The following TMEM132D variants were observed in gnomAD, a reference collection of about 807,000 sequenced individuals.
TMEM132D encodes the protein mature OL transmembrane protein.
A neutral mutation model predicts 62.3 loss-of-function variants in TMEM132D; 21 were observed. The ratio of observed to expected loss-of-function variants is 0.34; its 90% CI spans 0.24 to 0.49. TMEM132D has a LOEUF of 0.49. Ranked by LOEUF, TMEM132D falls within the 20% of genes least tolerant of loss-of-function variation. TMEM132D has a pLI of 0.99. For synonymous variants in TMEM132D, 621 were observed against 575.6 expected, an observed-to-expected ratio of 1.08 and a Z score of -1.13; for missense variants, 1,346 against 1,402.8, an observed-to-expected ratio of 0.96 and a Z score of 0.65.
chr12:129,260,908 T>C (rs557042687), intron 4 of TMEM132D, among the ~76,000 whole-genome samples: 1 of 152,224 alleles, frequency 6.6e-6, no homozygotes, highest in East Asian at 1.9e-4. Flanking sequence ...CTTTATCCAC[T>C]TGGTTGCTGG....
chr12:129,480,722 T>G (rs1874404891), intron 3 of TMEM132D, among the ~76,000 whole-genome samples: 1 of 152,164 alleles, frequency 6.6e-6, no homozygotes, highest in Non-Finnish European at 1.5e-5. Flanking sequence ...AGTTGGGCAA[T>G]GCTAAGTGTT....
rs190463782 is a variant in TMEM132D at position 129,703,756 on chromosome 12, C to T, written c.80-3058G>A. Among the ~76,000 whole-genome samples, 526 of 152,184 alleles carry T rather than the reference C, an allele frequency of 3.5e-3. 3 individuals are homozygous for T. Among genetic ancestry groups the T allele is most frequent in the Non-Finnish European group, 5.6e-3 (381 of 68,022 alleles). ...GACATGTTCGCATCTTGAAGCAACT[C>T]AGTGGTCTGGGAGAGATTTTGTATT... On this transcript the variant is annotated intron_variant, in intron 1 of 8. Coordinates refer to ENST00000422113, the MANE Select transcript of TMEM132D (RefSeq NM_133448.3).
At chr12:129,578,692 G>A (rs1877754893) in intron 2 of TMEM132D, among the ~76,000 whole-genome samples, 1 of 152,116 alleles carries the variant, frequency 6.6e-6, no homozygotes, top group Non-Finnish European at 1.5e-5. Flanking sequence ...GAGAACTGGG[G>A]AGCTAATGGT....
intron 2 of TMEM132D, among the ~76,000 whole-genome samples, chr12:129,542,434 A>C (rs2137098682): frequency 6.6e-6 from 1 of 151,748 alleles, no homozygotes; most frequent in Non-Finnish European, 1.5e-5. Flanking sequence ...GTAAATTCTC[A>C]GGGATGTCTT....
At chr12:129,818,170 G>C (rs565583781) in intron 1 of TMEM132D, among the ~76,000 whole-genome samples, 1 of 145,632 alleles carries the variant, frequency 6.9e-6, no homozygotes, top group South Asian at 2.3e-4. Context: ...GTATGTGTGT[G>C]TGTATGTGTG....
chr12:129,457,443 G>T (rs1170866352), intron 3 of TMEM132D, among the ~76,000 whole-genome samples: 1 of 132,618 alleles, frequency 7.5e-6, no homozygotes, highest in Non-Finnish European at 1.7e-5. Context: ...CCTGTTGTGG[G>T]GTAGGGGGGA....
chr12:129,748,943 C>T (rs1446563128), intron 1 of TMEM132D, among the ~76,000 whole-genome samples: 3 of 152,178 alleles, frequency 2.0e-5, no homozygotes, highest in Non-Finnish European at 2.9e-5. Flanking sequence ...CTGGACCATT[C>T]GTTCATTTGT....
intron 1 of TMEM132D, among the ~76,000 whole-genome samples, chr12:129,832,814 C>A (rs1248321276): frequency 6.6e-6 from 1 of 152,204 alleles, no homozygotes; most frequent in African/African-American, 2.4e-5. Context: ...CTGGGGGAGT[C>A]CTTCAAAGGC....
At chr12:129,799,186 ACCT>A (rs1002826698) in intron 1 of TMEM132D, among the ~76,000 whole-genome samples, 1 of 152,024 alleles carries the variant, frequency 6.6e-6, no homozygotes, top group African/African-American at 2.4e-5. Flanking sequence ...AATCACTTGA[ACCT>A]GGAGGGTGGA....
In TMEM132D at chr12:129,123,732, G is replaced by A. The variant is rs74493499; in HGVS notation, c.1444-39030C>T. Among the ~76,000 whole-genome samples the A allele has an allele frequency of 7.4e-3, 1,123 of 152,298 alleles. 11 individuals carry two copies. Among genetic ancestry groups the A allele is most frequent in the African/African-American group, 0.025 (1,024 of 41,558 alleles). On this transcript the variant is annotated intron_variant, in intron 5 of 8. Transcript: ENST00000422113. ...AAACCAGATTCATCCTCCCCAGTGC[G>A]GATGGGCCTCATCCAGTCTGTTGGG...
rs781485094 is a variant in TMEM132D at position 129,328,822 on chromosome 12, TC to T, written c.1299+8811del. ...TTATGAGCTTAGACTCTGGAGCTCA[TC>T]CATCTGGAATCTAATTTCAGCTCAG... On this transcript the variant is annotated intron_variant, in intron 4 of 8. Coordinates refer to ENST00000422113, the MANE Select transcript of TMEM132D (RefSeq NM_133448.3). 6.6e-4 allele frequency among the ~76,000 whole-genome samples: 100 copies of T among 152,180 alleles called. 1 individual carries two copies. The highest frequency in any genetic ancestry group is 3.4e-3 in the Middle Eastern group (1 of 294).
chr12:129,780,764 G>T, intron 1 of TMEM132D, among the ~76,000 whole-genome samples: 1 of 152,096 alleles, frequency 6.6e-6, no homozygotes, highest in East Asian at 1.9e-4. Flanking sequence ...CCATTCATCC[G>T]GTACCTTTTT....
rs565446585 is a variant in TMEM132D at position 129,836,522 on chromosome 12, G to A, written c.79+66739C>T. Reference sequence around the variant, plus strand: ...TGTGTGTGTGTGTGTGTGTGCGCGCGTGTGTGTGTGTACCCCGAATACTGA... The same window carrying A: ...TGTGTGTGTGTGTGTGTGTGCGCGCATGTGTGTGTGTACCCCGAATACTGA... On this transcript the variant is annotated intron_variant, in intron 1 of 8. Coordinates refer to ENST00000422113, the MANE Select transcript of TMEM132D (RefSeq NM_133448.3). Among the ~76,000 whole-genome samples, 129 of 151,700 alleles carry A rather than the reference G, an allele frequency of 8.5e-4. 1 individual carries two copies. In the South Asian group the frequency reaches 0.018, roughly 22 times the overall value.
At chr12:129,535,006 A>G (rs902678232) in intron 2 of TMEM132D, among the ~76,000 whole-genome samples, 12 of 152,302 alleles carry the variant, frequency 7.9e-5, no homozygotes, top group African/African-American at 2.9e-4. Context: ...GGAGGCTAAG[A>G]TTCAGTGACT....
chr12:129,174,998 C>T (rs1290265185), intron 5 of TMEM132D, among the ~76,000 whole-genome samples: 1 of 152,124 alleles, frequency 6.6e-6, no homozygotes, highest in Non-Finnish European at 1.5e-5. Flanking sequence ...GGGTAGATTG[C>T]AAACATTTTC....
intron 4 of TMEM132D, among the ~76,000 whole-genome samples, chr12:129,331,932 C>T (rs184189818): frequency 2.8e-4 from 42 of 152,296 alleles, no homozygotes; most frequent in African/African-American, 7.7e-4. Flanking sequence ...AACACCAGGC[C>T]GGGTGCAATG....
intron 2 of TMEM132D, among the ~76,000 whole-genome samples, chr12:129,606,003 C>T (rs1237529977): frequency 6.6e-6 from 1 of 152,056 alleles, no homozygotes; most frequent in Non-Finnish European, 1.5e-5. Flanking sequence ...AATCAACATA[C>T]CATTGAGGTG....
intron 5 of TMEM132D, among the ~76,000 whole-genome samples, chr12:129,134,357 A>G (rs1337987545): frequency 6.6e-6 from 1 of 152,164 alleles, no homozygotes; most frequent in Non-Finnish European, 1.5e-5. Context: ...CTTTAAGGAC[A>G]TGGTTACAGA....
In TMEM132D at chr12:129,587,842, G is replaced by A. The variant is rs1190378414; in HGVS notation, c.969-56637C>T. On this transcript the variant is annotated intron_variant, in intron 2 of 8. Coordinates refer to ENST00000422113, the MANE Select transcript of TMEM132D (RefSeq NM_133448.3). Reference sequence around the variant, plus strand: ...CCAGGGGGTATATTATTCTCCTATTGATGATATAAAAAATAAAATCGCACG... The same window carrying A: ...CCAGGGGGTATATTATTCTCCTATTAATGATATAAAAAATAAAATCGCACG... 3.3e-5 allele frequency among the ~76,000 whole-genome samples: 5 copies of A among 152,220 alleles called. No individual in the cohort carries two copies. In the East Asian group the frequency reaches 9.7e-4, roughly 29 times the overall value.
Sources: gnomAD v4.1 joint callset for allele counts (sites outside exome capture counted in the v4.1 genomes callset) on GRCh38, gnomAD v4.1.1 for gene constraint, MANE v1.5 for transcripts, NCBI Gene and HGNC (gene_info 2026-07-23, HGNC 2026-07-21) for gene names.